Variants in MAGI3 observed in about 807,000 individuals in gnomAD.
MAGI3 encodes membrane associated guanylate kinase, WW and PDZ domain containing 3, also known as membrane-associated guanylate kinase, WW and PDZ domain-containing protein 3.
A neutral mutation model predicts 121.8 loss-of-function variants in MAGI3; 43 were observed. The ratio of observed to expected loss-of-function variants is 0.35; its 90% CI spans 0.28 to 0.46. MAGI3 has a LOEUF of 0.46. MAGI3 is among the 20% of genes least tolerant of loss of function. The pLI is 1.00. For missense variants in MAGI3, 1,547 were observed against 1,797.3 expected, an observed-to-expected ratio of 0.86 and a Z score of 2.52; for synonymous variants, 553 against 639.3, an observed-to-expected ratio of 0.86 and a Z score of 2.04.
At chr1:113,417,756 G>A (rs79200328) in intron 1 of MAGI3, among the ~76,000 whole-genome samples, 3,539 of 151,966 alleles carry the variant, frequency 0.023, 130 homozygotes, top group African/African-American at 0.081. Context: ...TGTCTGTCCC[G>A]TTAGTCTGTA....
intron 1 of MAGI3, among the ~76,000 whole-genome samples, chr1:113,518,912 A>C (rs532739743): frequency 8.1e-4 from 124 of 152,330 alleles, no homozygotes; most frequent in Non-Finnish European, 1.4e-3. Flanking sequence ...CAGGTAATGC[A>C]AGAGGCAGCT....
chr1:113,427,990 G>A (rs1210091583), intron 1 of MAGI3, among the ~76,000 whole-genome samples: 1 of 151,958 alleles, frequency 6.6e-6, no homozygotes, highest in Non-Finnish European at 1.5e-5. Context: ...AGGCATTAAA[G>A]TATATACAAT....
chr1:113,428,235 C>T (rs1165168010), intron 1 of MAGI3, among the ~76,000 whole-genome samples: 1 of 152,180 alleles, frequency 6.6e-6, no homozygotes, highest in Non-Finnish European at 1.5e-5. Flanking sequence ...TGAAGATACT[C>T]TTTGTTTTCT....
chr1:113,538,410 T>C (rs1659105082), intron 1 of MAGI3, among the ~76,000 whole-genome samples: 1 of 152,218 alleles, frequency 6.6e-6, no homozygotes, highest in African/African-American at 2.4e-5. Flanking sequence ...GCATATAATA[T>C]GACTCAGTTA....
intron 1 of MAGI3, among the ~76,000 whole-genome samples, chr1:113,411,395 A>T (rs1651973803): frequency 6.6e-6 from 1 of 152,030 alleles, no homozygotes; most frequent in Non-Finnish European, 1.5e-5. Context: ...ACTACTTCTG[A>T]TAGTATTAGT....
chr1:113,607,274 T>A (rs1375888010), intron 6 of MAGI3, among the ~76,000 whole-genome samples: 1 of 152,220 alleles, frequency 6.6e-6, no homozygotes, highest in Non-Finnish European at 1.5e-5. Flanking sequence ...TCTTACTGAT[T>A]CCGTATGTCG....
chr1:113,546,932 A>C (rs1659560591), intron 1 of MAGI3, among the ~76,000 whole-genome samples: 1 of 151,680 alleles, frequency 6.6e-6, no homozygotes, highest in Admixed American at 6.6e-5. Context: ...AAACACAAAA[A>C]ATTAGCCAGG....
intron 3 of MAGI3, among the ~76,000 whole-genome samples, chr1:113,583,479 G>A (rs1479462516): frequency 2.0e-5 from 3 of 151,880 alleles, no homozygotes; most frequent in African/African-American, 4.8e-5. Context: ...AAATTTTCTC[G>A]AGTTAGATAA....
At chr1:113,409,571 A>G (rs1382505200) in intron 1 of MAGI3, among the ~76,000 whole-genome samples, 1 of 152,090 alleles carries the variant, frequency 6.6e-6, no homozygotes, top group Non-Finnish European at 1.5e-5. Flanking sequence ...TGGGCCCAGG[A>G]GGTCAGTGCT....
intron 1 of MAGI3, among the ~76,000 whole-genome samples, chr1:113,507,095 A>G (rs1182178881): frequency 6.6e-6 from 1 of 152,138 alleles, no homozygotes; most frequent in Non-Finnish European, 1.5e-5. Context: ...CCTGTAGGAA[A>G]TGTCTGGTAA....
At chr1:113,395,707 T>A (rs545617923) in intron 1 of MAGI3, among the ~76,000 whole-genome samples, 1 of 152,018 alleles carries the variant, frequency 6.6e-6, no homozygotes, top group Non-Finnish European at 1.5e-5. Flanking sequence ...TAACTTTTCT[T>A]GTATATCATT....
In MAGI3 at chr1:113,642,420, C is replaced by T. The variant is rs1473381767; in HGVS notation, c.1870C>T (p.His624Tyr). Residue 624 changes from histidine (H) to tyrosine (Y), a missense_variant, in exon 10 of 21, where the codon CAT (histidine) becomes TAT (tyrosine). Coordinates refer to ENST00000307546, the MANE Select transcript of MAGI3 (RefSeq NM_001142782.2). Reference sequence around the variant, plus strand: ...AGGAGATATAATTAAGGAAATATACCATCAAAATGTGCAGAATTTAACACA... The same window carrying T: ...AGGAGATATAATTAAGGAAATATACTATCAAAATGTGCAGAATTTAACACA... The part of the protein sequence containing the change: ...QKGDIIKEIY[H>Y]QNVQNLTHLQ... 1.9e-6 allele frequency: 3 copies of T among 1,614,088 alleles called. No homozygotes were observed. Among genetic ancestry groups the T allele is most frequent in the Non-Finnish European group, 2.5e-6 (3 of 1,179,988 alleles).
intron 2 of MAGI3, among the ~76,000 whole-genome samples, chr1:113,570,851 A>G (rs1217113710): frequency 1.3e-5 from 2 of 151,834 alleles, no homozygotes; most frequent in Non-Finnish European, 2.9e-5. Flanking sequence ...TTGCCTGTTC[A>G]CTCTGATGAT....
At chr1:113,618,640 G>A (rs1266057967) in intron 7 of MAGI3, 1 of 359,976 alleles carries the variant, frequency 2.8e-6, no homozygotes, top group Non-Finnish European at 5.3e-6. Context: ...TGAGTAGCTG[G>A]GATTACAGGC....
At chr1:113,628,215 A>T (rs1777234) in intron 9 of MAGI3, among the ~76,000 whole-genome samples, 114,425 of 151,970 alleles carry the variant, frequency 0.75, 43,850 homozygotes, top group African/African-American at 0.86. Flanking sequence ...CCAGGACGCT[A>T]GAAAATACTA....
At chr1:113,609,813 C>G (rs1000566054) in intron 6 of MAGI3, among the ~76,000 whole-genome samples, 4 of 152,072 alleles carry the variant, frequency 2.6e-5, no homozygotes, top group Non-Finnish European at 5.9e-5. Context: ...TTTGAAATAG[C>G]TTTTTAGGGG....
chr1:113,578,694 A>C (rs1237415138), intron 2 of MAGI3, among the ~76,000 whole-genome samples: 1 of 152,178 alleles, frequency 6.6e-6, no homozygotes, highest in Non-Finnish European at 1.5e-5. Flanking sequence ...CTGTTGATTC[A>C]GAGAATCTAA....
At chr1:113,644,236 C>T (rs1330380465) in intron 11 of MAGI3, among the ~76,000 whole-genome samples, 1 of 152,026 alleles carries the variant, frequency 6.6e-6, no homozygotes, top group African/African-American at 2.4e-5. Flanking sequence ...AATCTTCTTA[C>T]TTTTAAGACT....
chr1:113,423,519 C>T (rs1652841350), intron 1 of MAGI3, among the ~76,000 whole-genome samples: 1 of 152,120 alleles, frequency 6.6e-6, no homozygotes, highest in South Asian at 2.1e-4. Context: ...GATCTGCCCA[C>T]CTCAGCGTCC....
Sources: gnomAD v4.1 joint callset for allele counts (sites outside exome capture counted in the v4.1 genomes callset) on GRCh38, gnomAD v4.1.1 for gene constraint, MANE v1.5 for transcripts, NCBI Gene and HGNC (gene_info 2026-07-23, HGNC 2026-07-21) for gene names.